The following ANO4 variants were observed in gnomAD, a reference collection of about 807,000 sequenced individuals.
The protein encoded by ANO4 is anoctamin-4.
Under a neutral mutation model 141.9 loss-of-function variants are expected in ANO4, and 69 were observed. The observed-to-expected ratio is 0.49, with a 90% confidence interval of 0.40 to 0.59. ANO4 has a LOEUF of 0.59. Among genes scored for constraint, ANO4 ranks in the 20% least tolerant of loss-of-function variants. ANO4 has a pLI of 0.00. For synonymous variants in ANO4, 350 were observed against 394.3 expected, an observed-to-expected ratio of 0.89 and a Z score of 1.33; for missense variants, 894 against 1,162.2, an observed-to-expected ratio of 0.77 and a Z score of 3.36.
At position 100,816,862 on chromosome 12, in the gene ANO4, A is replaced by T. The variant is rs117254036; in HGVS notation, c.-141+21835A>T. 3.6e-3 allele frequency among the ~76,000 whole-genome samples: 548 copies of T among 152,058 alleles called. 9 individuals carry two copies. Among genetic ancestry groups the T allele is most frequent in the East Asian group, 0.032 (165 of 5,170 alleles). On this transcript the variant is annotated intron_variant, in intron 1 of 27. Transcript: ENST00000392977. Reference sequence around the variant, plus strand: ...AACTTTTCAATTGTAAGTTTCTTATAATTGAGAATTGTTTTCTCTTTCTTT... The same window carrying T: ...AACTTTTCAATTGTAAGTTTCTTATTATTGAGAATTGTTTTCTCTTTCTTT...
chr12:100,886,686 A>G (rs1403126758), intron 1 of ANO4, among the ~76,000 whole-genome samples: 2 of 152,214 alleles, frequency 1.3e-5, no homozygotes, highest in African/African-American at 4.8e-5. Context: ...AAGTTTTATT[A>G]GAACTCAGTC....
intron 3 of ANO4, among the ~76,000 whole-genome samples, chr12:100,926,343 T>C (rs954709392): frequency 6.6e-6 from 1 of 152,110 alleles, no homozygotes; most frequent in East Asian, 1.9e-4. Context: ...CAAGTGCTTT[T>C]TCAGATCCTC....
chr12:100,724,668 C>A (rs184535993), intron 1 of ANO4, among the ~76,000 whole-genome samples: 1 of 152,258 alleles, frequency 6.6e-6, no homozygotes, highest in East Asian at 1.9e-4. Context: ...AGAGACCTCC[C>A]AAGCCACCAC....
chr12:100,748,691 A>G (rs1191564596), intron 3 of ANO4, among the ~76,000 whole-genome samples: 1 of 152,190 alleles, frequency 6.6e-6, no homozygotes, highest in Admixed American at 6.5e-5. Flanking sequence ...TTGAATTAGT[A>G]TCTGCCATGT....
At chr12:100,948,714 TTAGC>T (rs1308385877) in intron 5 of ANO4, among the ~76,000 whole-genome samples, 2 of 152,204 alleles carry the variant, frequency 1.3e-5, no homozygotes, top group Non-Finnish European at 2.9e-5. Context: ...TCTGTGTTAC[TTAGC>T]TAGTCCTTGT....
At chr12:100,792,181 A>G (rs2034069070), upstream of ANO4, among the ~76,000 whole-genome samples, 1 of 152,110 alleles carries the variant, frequency 6.6e-6, no homozygotes, top group Admixed American at 6.5e-5. Flanking sequence ...TGAAAGACTG[A>G]GCTTGAAGAA....
rs555611763 is a variant in ANO4, at chr12:101,128,062, G to GCTAT, written c.*212_*215dup. ...TCACGTTGCAGTCCAGCGCACAATT[G>GCTAT]CTATCTATCCATAGACCATTCTTGA... is the stretch of plus-strand genomic sequence containing the variant. On this transcript the variant is annotated 3_prime_UTR_variant, in exon 28 of 28. Transcript: ENST00000392977. 26 of 152,732 alleles carry GCTAT rather than the reference G, an allele frequency of 1.7e-4. No homozygotes were observed. Among genetic ancestry groups the GCTAT allele is most frequent in the African/African-American group, 5.8e-4 (24 of 41,560 alleles). 9.5% of individuals were successfully genotyped at this position (152,732 alleles called of 1,614,324 possible).
rs11110508 is a variant in ANO4 at position 100,759,072 on chromosome 12, C to T, written c.358+18967C>T. 1.5e-3 allele frequency among the ~76,000 whole-genome samples: 224 copies of T among 152,204 alleles called. 7 individuals carry two copies. In the East Asian group the frequency reaches 0.041, roughly 28 times the overall value. On this transcript the variant is annotated intron_variant, in intron 3 of 29. Transcript: ENST00000644049. ...CCAGATGGGCATATATTTTGGGAGG[C>T]ACTATTTAACTCACCACACTTGGTA... is the stretch of plus-strand genomic sequence containing the variant.
intron 1 of ANO4, among the ~76,000 whole-genome samples, chr12:100,889,318 G>A (rs1421499384): frequency 6.6e-6 from 1 of 151,960 alleles, no homozygotes; most frequent in Non-Finnish European, 1.5e-5. Context: ...CTTTGCTATT[G>A]TGAATAGTGC....
intron 26 of ANO4, among the ~76,000 whole-genome samples, chr12:101,123,508 T>TC (rs2051182375): frequency 6.6e-6 from 1 of 150,398 alleles, no homozygotes; most frequent in African/African-American, 2.5e-5. Context: ...GTGTGTTGTT[T>TC]CCCACCATGT....
chr12:100,833,136 A>G (rs1565917366), intron 1 of ANO4, among the ~76,000 whole-genome samples: 2 of 152,148 alleles, frequency 1.3e-5, no homozygotes, highest in South Asian at 2.1e-4. Flanking sequence ...TTGAAAAACT[A>G]TTCAGGAACT....
intron 1 of ANO4, chr12:100,733,721 C>A: frequency 1.5e-6 from 1 of 678,970 alleles, no homozygotes; most frequent in South Asian, 1.6e-5. Context: ...ACATTGTGGT[C>A]ATGGTGTCTA....
intron 8 of ANO4, among the ~76,000 whole-genome samples, chr12:101,008,611 T>C (rs2045961455): frequency 1.3e-5 from 2 of 152,136 alleles, no homozygotes; most frequent in South Asian, 4.1e-4. Flanking sequence ...TATGAATCAT[T>C]TTCCTTTTTT....
intron 1 of ANO4, among the ~76,000 whole-genome samples, chr12:100,821,701 C>T (rs548225277): frequency 4.5e-4 from 69 of 152,108 alleles, no homozygotes; most frequent in Non-Finnish European, 7.7e-4. Context: ...CAGTGTGGTA[C>T]TCCAGACCAC....
intron 1 of ANO4, among the ~76,000 whole-genome samples, chr12:100,882,076 C>G (rs889729223): frequency 2.0e-5 from 3 of 152,158 alleles, no homozygotes; most frequent in Admixed American, 1.3e-4. Flanking sequence ...AATACCAATA[C>G]AGATAATATT....
chr12:101,082,769 G>A (rs939261204), intron 15 of ANO4, among the ~76,000 whole-genome samples: 8 of 151,444 alleles, frequency 5.3e-5, no homozygotes, highest in African/African-American at 9.8e-5. Flanking sequence ...CTGTCAGCTC[G>A]TTCCTTGCTT....
chr12:100,946,017 G>A (rs983764573), intron 5 of ANO4, among the ~76,000 whole-genome samples: 2 of 152,194 alleles, frequency 1.3e-5, no homozygotes, highest in South Asian at 2.1e-4. Flanking sequence ...AGGAAGTGTT[G>A]AGAGGGGCTT....
chr12:101,061,990 G>A (rs1005097445), intron 14 of ANO4, among the ~76,000 whole-genome samples: 4 of 152,068 alleles, frequency 2.6e-5, no homozygotes, highest in Admixed American at 6.5e-5. Flanking sequence ...CAGCCTTTTT[G>A]TGCTGTTTTT....
chr12:100,920,483 G>A (rs1344197999), intron 2 of ANO4, among the ~76,000 whole-genome samples: 1 of 152,086 alleles, frequency 6.6e-6, no homozygotes, highest in Non-Finnish European at 1.5e-5. Flanking sequence ...AAGCTGACTA[G>A]CCTTAGTTGA....
Sources: gnomAD v4.1 joint callset for allele counts (sites outside exome capture counted in the v4.1 genomes callset) on GRCh38, gnomAD v4.1.1 for gene constraint, MANE v1.5 for transcripts, NCBI Gene and HGNC (gene_info 2026-07-23, HGNC 2026-07-21) for gene names.